Variants in OR4E2 observed in about 807,000 individuals in gnomAD.
OR4E2 encodes olfactory receptor 4E2.
OR4E2 carries 9 observed loss-of-function variants against 11.0 expected under a neutral mutation model. The observed-to-expected ratio is 0.82, with a 90% confidence interval of 0.49 to 1.43. The LOEUF is 1.43. Ranked by LOEUF, OR4E2 falls within the 40% of genes most tolerant of loss-of-function variation. OR4E2 has a pLI of 0.00. For synonymous variants in OR4E2, 159 were observed against 147.3 expected, an observed-to-expected ratio of 1.08 and a Z score of -0.57; for missense variants, 441 against 382.0, an observed-to-expected ratio of 1.15 and a Z score of -1.29.
chr14:21,655,048 A>G (rs759994901), intron 1 of OR4E2, among the ~76,000 whole-genome samples: 3 of 152,222 alleles, frequency 2.0e-5, no homozygotes, highest in Non-Finnish European at 4.4e-5. Context: ...TCTAAAAAAT[A>G]CCTTCAAAGC....
chr14:21,658,594 A>G (rs759950108), intron 2 of OR4E2, among the ~76,000 whole-genome samples: 14 of 152,162 alleles, frequency 9.2e-5, no homozygotes, highest in Non-Finnish European at 1.8e-4. Context: ...GGTATCATTG[A>G]TGAAAAGTAA....
chr14:21,665,804 C>G lies in OR4E2; in HGVS notation c.722C>G (p.Ser241Trp), dbSNP rs61732411. ...EGRRKALSTC[S>W]AHFMVVALFF... ...CGCCGGAAAGCCCTGTCTACCTGCTCGGCCCACTTCATGGTGGTTGCCCTC... is the reference window on the plus strand; with the variant it reads ...CGCCGGAAAGCCCTGTCTACCTGCTGGGCCCACTTCATGGTGGTTGCCCTC... The change falls in exon 4 of 4, where the codon TCG becomes TGG. Residue 241 changes from serine to tryptophan, a missense_variant. Physicochemically the swap from Ser to Trp is radical, Grantham distance 177. Coordinates refer to ENST00000641524, the MANE Select transcript of OR4E2 (RefSeq NM_001001912.3). The G allele has an allele frequency of 2.5e-6, 4 of 1,613,540 alleles. No individual in the cohort carries two copies. The highest frequency in any genetic ancestry group is 3.4e-6 in the Non-Finnish European group (4 of 1,179,756).
chr14:21,657,960 A>C, intron 2 of OR4E2, among the ~76,000 whole-genome samples: 1 of 152,112 alleles, frequency 6.6e-6, no homozygotes, highest in East Asian at 1.9e-4. Flanking sequence ...TTCAGCTCTA[A>C]AACTTTCACA....
At chr14:21,662,638 G>A (rs1334381517) in intron 3 of OR4E2, among the ~76,000 whole-genome samples, 1 of 151,964 alleles carries the variant, frequency 6.6e-6, no homozygotes, top group Non-Finnish European at 1.5e-5. Context: ...AGTTTAACAC[G>A]CTTTATCTCA....
intron 1 of OR4E2, among the ~76,000 whole-genome samples, chr14:21,654,366 G>GCA (rs148674026): frequency 7.4e-5 from 11 of 148,830 alleles, no homozygotes; most frequent in African/African-American, 2.5e-4. Flanking sequence ...ACACATGCAC[G>GCA]CACACACACA....
intron 3 of OR4E2, among the ~76,000 whole-genome samples, chr14:21,663,115 T>C (rs1880425085): frequency 1.3e-5 from 2 of 152,172 alleles, no homozygotes; most frequent in African/African-American, 4.8e-5. Flanking sequence ...AAAATTGTTT[T>C]TGCATACCCA....
In OR4E2 at chr14:21,667,466, C is replaced by T. The variant is rs185281075; in HGVS notation, c.*1442C>T. On this transcript the variant is annotated 3_prime_UTR_variant, in exon 4 of 4. Coordinates refer to ENST00000641524, the MANE Select transcript of OR4E2 (RefSeq NM_001001912.3). ...TCTATTCATTAAACTGAGAGATGCTCATGAAAATATCTAAATATCATTACT... is the reference window on the plus strand; with the variant it reads ...TCTATTCATTAAACTGAGAGATGCTTATGAAAATATCTAAATATCATTACT... The T allele has an allele frequency of 6.6e-6, 1 of 152,184 alleles. No individual in the cohort carries two copies. Among genetic ancestry groups the T allele is most frequent in the Admixed American group, 6.5e-5 (1 of 15,292 alleles). The allele number at this position is 152,184 out of a possible 1,614,324, so 9.4% of individuals were successfully genotyped here.
chr14:21,665,305 T>C lies in OR4E2; in HGVS notation c.223T>C (p.Ser75Pro). Residue 75 changes from serine to proline, a missense_variant, in exon 4 of 4, where the codon TCT becomes CCT. Physicochemically the swap from Ser to Pro is moderately conservative, Grantham distance 74 (BLOSUM62 -1). Transcript: ENST00000641524. ...NLSFIDICHS[S>P]VTVPKMLEGL... ...GTCCTTTATTGACATCTGCCACTCA[T>C]CTGTCACTGTGCCTAAGATGTTGGA... is the stretch of plus-strand genomic sequence containing the variant. The C allele has an allele frequency of 6.2e-7, 1 of 1,614,054 alleles. No individual in the cohort carries two copies. The highest frequency in any genetic ancestry group is 8.5e-7 in the Non-Finnish European group (1 of 1,179,896).
chr14:21,666,130 A>G lies in OR4E2; in HGVS notation c.*106A>G. ...AACTTGGTAAATTAGGTAAAATGGCATAGAGCAGGTCAGATTTCTGCTCAT... is the reference window on the plus strand; with the variant it reads ...AACTTGGTAAATTAGGTAAAATGGCGTAGAGCAGGTCAGATTTCTGCTCAT... On this transcript the variant is annotated 3_prime_UTR_variant, in exon 4 of 4. Transcript: ENST00000641524. The G allele has an allele frequency of 1.3e-6, 1 of 748,278 alleles. No individual in the cohort carries two copies. The highest frequency in any genetic ancestry group is 2.2e-6 in the Non-Finnish European group (1 of 451,418). 46.4% of individuals were successfully genotyped at this position (748,278 alleles called of 1,614,324 possible).
At chr14:21,660,238 T>C (rs558104090) in intron 2 of OR4E2, among the ~76,000 whole-genome samples, 39 of 152,270 alleles carry the variant, frequency 2.6e-4, no homozygotes, top group Middle Eastern at 3.4e-3. Flanking sequence ...GGGTTTGCGA[T>C]TGAGGATTTA....
rs141122043 is a variant in OR4E2, at chr14:21,663,554, G to A, written c.-8-1521G>A. Among the ~76,000 whole-genome samples the A allele has an allele frequency of 4.2e-3, 634 of 152,098 alleles. 2 individuals are homozygous for A. The highest frequency in any genetic ancestry group is 0.014 in the African/African-American group (600 of 41,468). ...TATTTTACTTTATTTTACAGGTCAA[G>A]GACCATAAAAGAAGCCTGAGAGGGA... is the stretch of plus-strand genomic sequence containing the variant. On this transcript the variant is annotated intron_variant, in intron 3 of 3. Transcript: ENST00000641524.
rs1880619510 is a variant in OR4E2 at position 21,665,867 on chromosome 14, A to T, written c.785A>T (p.Asp262Val). ...GPCIFIYTRP[D>V]TSFSIDKVVS... ...TGTATCTTCATCTATACTCGGCCAGACACCAGCTTCTCCATTGACAAGGTG... is the reference window on the plus strand; with the variant it reads ...TGTATCTTCATCTATACTCGGCCAGTCACCAGCTTCTCCATTGACAAGGTG... Residue 262 changes from aspartate (D) to valine (V), a missense_variant, in exon 4 of 4, where the codon GAC becomes GTC. Asp to Val is a radical substitution (Grantham distance 152, BLOSUM62 -3). Transcript: ENST00000641524. 6.2e-7 allele frequency: 1 copy of T among 1,609,346 alleles called. No homozygotes were observed. The highest frequency in any genetic ancestry group is 2.2e-5 in the East Asian group (1 of 44,838).
intron 3 of OR4E2, among the ~76,000 whole-genome samples, chr14:21,664,843 A>G (rs1880538479): frequency 6.6e-6 from 1 of 152,234 alleles, no homozygotes; most frequent in South Asian, 2.1e-4. Flanking sequence ...TCTCATCTGC[A>G]AGGCAGAAAC....
Position 21,666,050 on chromosome 14 carries a change from T to TG in OR4E2, c.*27dup. ...TGGGCACTGGGATTGCAGACATAAT[T>TG]GCAGCCACATCCTTAATGAAAGAGC... is the stretch of plus-strand genomic sequence containing the variant. On this transcript the variant is annotated 3_prime_UTR_variant, in exon 4 of 4. Coordinates refer to ENST00000641524, the MANE Select transcript of OR4E2 (RefSeq NM_001001912.3). 2.0e-6 allele frequency: 3 copies of TG among 1,497,180 alleles called. No individual in the cohort carries two copies. The highest frequency in any genetic ancestry group is 2.8e-6 in the Non-Finnish European group (3 of 1,081,798). The allele number at this position is 1,497,180 out of a possible 1,614,324, so 92.7% of individuals were successfully genotyped here. A position where few individuals can be genotyped will look rare whatever the true frequency, so the allele number is the denominator to read the frequency against.
At position 21,665,246 on chromosome 14, in the gene OR4E2, T is replaced by A; in HGVS notation, c.164T>A (p.Leu55His). 6.2e-7 allele frequency: 1 copy of A among 1,614,126 alleles called. No homozygotes were observed. Among genetic ancestry groups the A allele is most frequent in the Non-Finnish European group, 8.5e-7 (1 of 1,179,994 alleles). ...IIIATVFTPS[L>H]HTPMYFFLSN... The stretch of plus-strand genomic sequence containing the variant: ...ATTGCCACAGTCTTTACTCCAAGTC[T>A]CCATACCCCCATGTATTTCTTCCTG... The change falls in exon 4 of 4, where the codon CTC (leucine) becomes CAC (histidine). Residue 55 changes from leucine (L) to histidine (H), a missense_variant. Coordinates refer to ENST00000641524, the MANE Select transcript of OR4E2 (RefSeq NM_001001912.3).
chr14:21,661,870 AT>A (rs749946899), intron 3 of OR4E2, among the ~76,000 whole-genome samples: 1 of 152,080 alleles, frequency 6.6e-6, no homozygotes, highest in Non-Finnish European at 1.5e-5. Context: ...CAGTTTCTTT[AT>A]TTCTACAAAA....
chr14:21,660,464 C>T (rs966244681), intron 2 of OR4E2, among the ~76,000 whole-genome samples, 189 bp from the exon 3 acceptor site: 1 of 152,030 alleles, frequency 6.6e-6, no homozygotes, highest in African/African-American at 2.4e-5. Flanking sequence ...CCAAGGAGGA[C>T]AACGTGATTG....
chr14:21,656,774 A>G (rs996075433), intron 2 of OR4E2, among the ~76,000 whole-genome samples, 185 bp downstream of exon 2: 1 of 152,322 alleles, frequency 6.6e-6, no homozygotes, highest in South Asian at 2.1e-4. Context: ...TTTTCTGTCT[A>G]AGGAATCAGA....
intron 2 of OR4E2, among the ~76,000 whole-genome samples, chr14:21,657,722 C>A (rs1010150352): frequency 6.6e-6 from 1 of 151,860 alleles, no homozygotes; most frequent in Non-Finnish European, 1.5e-5. Flanking sequence ...TCCCAAGTAG[C>A]TGGGATTATA....
Sources: allele counts gnomAD v4.1 joint callset (sites outside exome capture counted in the v4.1 genomes callset), GRCh38; gene constraint gnomAD v4.1.1; transcripts MANE v1.5; gene names NCBI Gene and HGNC (gene_info 2026-07-23, HGNC 2026-07-21).